ANLN: variants seen among roughly 807,000 people sequenced by gnomAD.
ANLN encodes the protein anillin, actin binding protein.
In ANLN, 59 loss-of-function variants were observed where a neutral mutation model predicts 135.1. The observed-to-expected ratio is 0.44, with a 90% CI of 0.35 to 0.54. The LOEUF (loss-of-function observed/expected upper bound fraction) is 0.54. Among genes scored for constraint, ANLN ranks in the 20% least tolerant of loss-of-function variants. The pLI, the probability that ANLN is intolerant of heterozygous loss-of-function variation, is 0.00. For synonymous variants in ANLN, 406 were observed against 456.4 expected (o/e 0.89, Z 1.41); for missense variants, 1,182 against 1,340.0 (o/e 0.88, Z 1.84).
chr7:36,421,196 T>TCCTGCCTC (rs1340024161), intron 12 of ANLN, among the ~76,000 whole-genome samples: 1 of 151,924 alleles, frequency 6.6e-6, no homozygotes, highest in African/African-American at 2.4e-5. Flanking sequence ...GCCTCCCAAG[T>TCCTGCCTC]AGCTGAGATT....
At chr7:36,427,966 G>A (rs1023827326) in intron 20 of ANLN, among the ~76,000 whole-genome samples, 1 of 152,106 alleles carries the variant, frequency 6.6e-6, no homozygotes, top group African/African-American at 2.4e-5. Flanking sequence ...ATATAGAGAT[G>A]AAGAAGTGTA....
In ANLN at chr7:36,407,714, T is replaced by G. The variant is rs748664860; in HGVS notation, c.874-20T>G. ...TAGATATTGTGAATGTTGTTTACCC[T>G]AAGTGTTTTCATGTTTCAGAAAGCT... On this transcript the variant is annotated intron_variant, in intron 4 of 23. Coordinates refer to ENST00000265748, the MANE Select transcript of ANLN (RefSeq NM_018685.5). 6.4e-7 allele frequency: 1 copy of G among 1,552,634 alleles called. No homozygotes were observed. The highest frequency in any genetic ancestry group is 8.9e-7 in the Non-Finnish European group (1 of 1,126,598).
At chr7:36,444,282 T>A (rs557124461) in intron 22 of ANLN, among the ~76,000 whole-genome samples, 2,616 of 137,366 alleles carry the variant, frequency 0.019, 54 homozygotes, top group Middle Eastern at 0.03. Context: ...AGAGCAAGAC[T>A]CCATCTCAAA....
intron 22 of ANLN, among the ~76,000 whole-genome samples, chr7:36,447,779 C>T (rs1164642295): frequency 1.3e-5 from 2 of 152,100 alleles, no homozygotes; most frequent in Non-Finnish European, 2.9e-5. Flanking sequence ...CATCATGCTG[C>T]TTAGAATGGC....
intron 4 of ANLN, among the ~76,000 whole-genome samples, chr7:36,406,933 A>C (rs1057153475): frequency 3.3e-5 from 5 of 152,170 alleles, no homozygotes. Context: ...AATATTTCTG[A>C]AAAGATATAT....
At chr7:36,408,398 T>C (rs1026228162) in intron 5 of ANLN, among the ~76,000 whole-genome samples, 3 of 152,184 alleles carry the variant, frequency 2.0e-5, no homozygotes, top group African/African-American at 7.2e-5. Flanking sequence ...TCTAATTTTA[T>C]TTATTTACTA....
chr7:36,441,944 A>G (rs904299078), intron 21 of ANLN, among the ~76,000 whole-genome samples: 4 of 152,136 alleles, frequency 2.6e-5, no homozygotes, highest in Admixed American at 1.3e-4. Flanking sequence ...TGGGAGGAAA[A>G]TGGAAGGATT....
At chr7:36,399,424 C>T in intron 3 of ANLN, 31 bp downstream of exon 3, 1 of 1,508,162 alleles carries the variant, frequency 6.6e-7, no homozygotes, top group East Asian at 2.3e-5. Context: ...ATGGCCCATA[C>T]ATCTGTTCCA....
intron 8 of ANLN, 121 bp downstream of exon 8, chr7:36,416,005 T>C (rs979802459): frequency 1.7e-5 from 15 of 870,934 alleles, no homozygotes; most frequent in Admixed American, 3.4e-5. Flanking sequence ...GGGGGAATCT[T>C]TAGGGTTTTC....
At chr7:36,437,410 G>T (rs1369958169) in intron 20 of ANLN, among the ~76,000 whole-genome samples, 1 of 152,074 alleles carries the variant, frequency 6.6e-6, no homozygotes, top group Non-Finnish European at 1.5e-5. Context: ...TGTATGTACC[G>T]CATTTTTTTG....
At position 36,453,584 on chromosome 7, in the gene ANLN, G is replaced by A. The variant is rs1789329509; in HGVS notation, c.*984G>A. The A allele has an allele frequency of 6.6e-6, 1 of 152,122 alleles. No individual in the cohort carries two copies. The highest frequency in any genetic ancestry group is 2.1e-4 in the South Asian group (1 of 4,820). The allele number at this position is 152,122 out of a possible 1,614,324, so 9.4% of individuals were successfully genotyped here. A position where few individuals can be genotyped will look rare whatever the true frequency, so the allele number is the denominator to read the frequency against. On this transcript the variant is annotated 3_prime_UTR_variant, in exon 24 of 24. Transcript: ENST00000265748. ...CCTTTTTTTAAAATTATAAAATATT[G>A]TAAAGCAGGGTCTCAACTTTTAAAT...
In ANLN at chr7:36,433,210, T is replaced by A. The variant is rs553364159; in HGVS notation, c.2884-5994T>A. Among the ~76,000 whole-genome samples, 8 of 152,320 alleles carry A rather than the reference T, an allele frequency of 5.3e-5. No individual in the cohort carries two copies. In the East Asian group the frequency reaches 1.3e-3, roughly 26 times the overall value. On this transcript the variant is annotated intron_variant, in intron 20 of 23. Coordinates refer to ENST00000265748, the MANE Select transcript of ANLN (RefSeq NM_018685.5). ...TTCTTCCTTCTTGTAGATTGAGAATTCCATCTGAAGTCATTGTCCTGTCAA... is the reference window on the plus strand; with the variant it reads ...TTCTTCCTTCTTGTAGATTGAGAATACCATCTGAAGTCATTGTCCTGTCAA...
At position 36,423,699 on chromosome 7, in the gene ANLN, A is replaced by G. The variant is rs1408774870; in HGVS notation, c.2477-118A>G. On this transcript the variant is annotated intron_variant, in intron 14 of 23. Coordinates refer to ENST00000265748, the MANE Select transcript of ANLN (RefSeq NM_018685.5). ...TGGAAAGTTGATTTTAGTAATTTTA[A>G]AAATAAATTGTATATAAATCAGTTC... The G allele has an allele frequency of 5.1e-6, 5 of 979,366 alleles. No individual in the cohort carries two copies. The East Asian group carries it at 1.6e-4, about 30-fold the overall frequency. 60.7% of individuals were successfully genotyped at this position (979,366 alleles called of 1,614,324 possible). A position where few individuals can be genotyped will look rare whatever the true frequency, so the allele number is the denominator to read the frequency against.
At chr7:36,410,984 G>A in intron 6 of ANLN, 75 bp from the exon 7 acceptor site, 2 of 1,391,196 alleles carry the variant, frequency 1.4e-6, no homozygotes, top group South Asian at 1.4e-5. Flanking sequence ...CTGCAAACAA[G>A]GAAAATTTTA....
intron 11 of ANLN, 85 bp downstream of exon 11, chr7:36,420,399 GT>G (rs1303125827): frequency 7.4e-6 from 11 of 1,486,608 alleles, no homozygotes; most frequent in Non-Finnish European, 1.0e-5. Context: ...TAATTATAAT[GT>G]TATTAATAAC....
intron 3 of ANLN, 51 bp downstream of exon 3, chr7:36,399,444 A>T: frequency 6.9e-7 from 1 of 1,446,348 alleles, no homozygotes; most frequent in Non-Finnish European, 9.3e-7. Flanking sequence ...AATAAGATTC[A>T]GTTTGGTATG....
intron 20 of ANLN, among the ~76,000 whole-genome samples, chr7:36,434,441 G>T (rs1323311946): frequency 6.6e-6 from 1 of 152,160 alleles, no homozygotes; most frequent in African/African-American, 2.4e-5. Context: ...ACCTCAGCCT[G>T]GGCTCAACCA....
At chr7:36,435,723 A>C (rs1267402147) in intron 20 of ANLN, among the ~76,000 whole-genome samples, 1 of 150,872 alleles carries the variant, frequency 6.6e-6, no homozygotes, top group Non-Finnish European at 1.5e-5. Context: ...AATACAAAAA[A>C]TTAGCCGGGC....
At chr7:36,401,349 G>A (rs532082203) in intron 3 of ANLN, among the ~76,000 whole-genome samples, 83 of 151,794 alleles carry the variant, frequency 5.5e-4, no homozygotes, top group Non-Finnish European at 1.0e-3. Flanking sequence ...TTTTGTTTTT[G>A]TTTTTTTGAG....
Sources: allele counts gnomAD v4.1 joint callset (sites outside exome capture counted in the v4.1 genomes callset), GRCh38; gene constraint gnomAD v4.1.1; transcripts MANE v1.5; gene names NCBI Gene and HGNC (gene_info 2026-07-23, HGNC 2026-07-21).